RFTN1: variants seen among roughly 807,000 people sequenced by gnomAD.
The protein encoded by RFTN1 is raftlin, lipid raft linker 1.
Under a neutral mutation model 46.5 loss-of-function variants are expected in RFTN1, and 26 were observed. The ratio of observed to expected loss-of-function variants is 0.56; its 90% CI spans 0.41 to 0.78. The LOEUF is 0.78. Among genes scored for constraint, RFTN1 ranks in the 30% least tolerant of loss-of-function variants. The pLI is 0.00. For missense variants in RFTN1, 693 were observed against 718.7 expected (o/e 0.96, Z 0.41); for synonymous variants, 261 against 284.2 (o/e 0.92, Z 0.82).
intron 2 of RFTN1, among the ~76,000 whole-genome samples, chr3:16,435,424 G>A (rs1341421230): frequency 6.6e-6 from 1 of 152,060 alleles, no homozygotes; most frequent in Non-Finnish European, 1.5e-5. Flanking sequence ...TAAAAAATTA[G>A]TCCGGTGTGG....
In RFTN1 at chr3:16,506,095, C is replaced by T. The variant is rs1196412052; in HGVS notation, c.-9+7347G>A. On this transcript the variant is annotated intron_variant, in intron 1 of 9. Transcript: ENST00000334133. This position sits in a 1 kb window ranked among gnomAD's most constrained non-coding sequence, Gnocchi z 4.8. ...GTATGCCAACTAGAAAACAACAATG[C>T]AGGGGGGAGGGATAGCAATCACAGG... Among the ~76,000 whole-genome samples the T allele has an allele frequency of 1.3e-5, 2 of 151,966 alleles. No individual in the cohort carries two copies. The highest frequency in any genetic ancestry group is 2.9e-5 in the Non-Finnish European group (2 of 68,000).
rs970631562 is a variant in RFTN1 at position 16,381,890 on chromosome 3, G to A, written c.442-3788C>T. On this transcript the variant is annotated intron_variant, in intron 4 of 9. Coordinates refer to ENST00000334133, the MANE Select transcript of RFTN1 (RefSeq NM_015150.2). The surrounding 1 kb of genome is among the most constrained non-coding windows in gnomAD (Gnocchi z 4.2). ...GTTCACCCTGCAGGCCAGCATATCC[G>A]ACTCTCCCACCACAGTCATAACCTC... 2.0e-5 allele frequency among the ~76,000 whole-genome samples: 3 copies of A among 152,136 alleles called. No individual in the cohort carries two copies. Among genetic ancestry groups the A allele is most frequent in the Non-Finnish European group, 4.4e-5 (3 of 68,026 alleles).
At chr3:16,378,685 C>G (rs1259761399) in intron 4 of RFTN1, among the ~76,000 whole-genome samples, 2 of 152,210 alleles carry the variant, frequency 1.3e-5, no homozygotes, top group African/African-American at 2.4e-5. Context: ...GAGGTATCAT[C>G]TGATGGACAC....
intron 7 of RFTN1, among the ~76,000 whole-genome samples, chr3:16,333,670 C>A (rs1559825622): frequency 2.0e-5 from 3 of 151,844 alleles, no homozygotes; most frequent in African/African-American, 7.3e-5. Context: ...CATAAAAACT[C>A]ATATGATATA....
At position 16,464,870 on chromosome 3, in the gene RFTN1, T is replaced by C. The variant is rs376565403; in HGVS notation, c.145+28855A>G. On this transcript the variant is annotated intron_variant, in intron 2 of 9. Coordinates refer to ENST00000334133, the MANE Select transcript of RFTN1 (RefSeq NM_015150.2). ...AGAAAGTTTGCCAGCCCCTGCTTCA[T>C]TTGAAGGAAACTGAAGCTCAGACAC... is the stretch of plus-strand genomic sequence containing the variant. Among the ~76,000 whole-genome samples, 284 of 152,358 alleles carry C rather than the reference T, an allele frequency of 1.9e-3. 2 individuals carry two copies. In the Middle Eastern group the frequency reaches 0.027, roughly 15 times the overall value.
chr3:16,323,517 C>T (rs2069324305), intron 8 of RFTN1, 60 bp from the exon 9 acceptor site: 3 of 1,222,726 alleles, frequency 2.5e-6, no homozygotes, highest in South Asian at 1.2e-5. Flanking sequence ...CAAAACCTGA[C>T]ACAGATGTTG....
rs773816013 is a variant in RFTN1 at position 16,317,151 on chromosome 3, G to A, written c.1414C>T (p.Gln472Ter). The stretch of plus-strand genomic sequence containing the variant: ...TTCTTCTCATTTTCTTCTGCTTGTT[G>A]TTTGTCTCTGGCACTGAGTTTACCT... ...SKGKLSARDK[Q>*]QAEENEKNLE... Residue 472 changes from glutamine (Q) to a stop codon, truncating the protein, a stop_gained, in exon 10 of 10, where the codon CAA becomes TAA. Transcript: ENST00000334133. LOFTEE classifies it low-confidence loss of function (END_TRUNC). This position sits in a 1 kb window ranked among gnomAD's most constrained non-coding sequence, Gnocchi z 4.3. 3 of 1,613,436 alleles carry A rather than the reference G, an allele frequency of 1.9e-6. No individual in the cohort carries two copies. The highest frequency in any genetic ancestry group is 1.3e-5 in the African/African-American group (1 of 74,774).
chr3:16,513,346 TC>T lies in RFTN1; in HGVS notation c.-9+95del. 6.6e-6 allele frequency: 1 copy of T among 152,648 alleles called. No individual in the cohort carries two copies. The highest frequency in any genetic ancestry group is 1.9e-4 in the East Asian group (1 of 5,182). The allele number at this position is 152,648 out of a possible 1,614,324, so 9.5% of individuals were successfully genotyped here. Reference sequence around the variant, plus strand: ...CCTGCAGGGAGGCGCCACGCGCGGTTCCCACTACCCGCCAGAGACCCGGTCC... The same window carrying T: ...CCTGCAGGGAGGCGCCACGCGCGGTTCCACTACCCGCCAGAGACCCGGTCC... On this transcript the variant is annotated intron_variant, in intron 1 of 9. Transcript: ENST00000334133. The surrounding 1 kb of genome is among the most constrained non-coding windows in gnomAD (Gnocchi z 5.4).
intron 2 of RFTN1, among the ~76,000 whole-genome samples, chr3:16,463,459 T>C (rs1050498262): frequency 4.6e-5 from 7 of 152,232 alleles, no homozygotes; most frequent in East Asian, 3.8e-4. Flanking sequence ...GATCTCTCTG[T>C]TAAAACCCTA....
intron 2 of RFTN1, among the ~76,000 whole-genome samples, chr3:16,491,448 G>A (rs961773358): frequency 2.0e-5 from 3 of 152,204 alleles, no homozygotes; most frequent in African/African-American, 7.2e-5. Context: ...GCAGGAGCAG[G>A]GAGGCCACGT....
At chr3:16,364,589 A>G (rs2073041438) in intron 6 of RFTN1, among the ~76,000 whole-genome samples, 2 of 152,126 alleles carry the variant, frequency 1.3e-5, no homozygotes, top group Admixed American at 6.5e-5. Flanking sequence ...TTGGGTCACA[A>G]TGAGATGGGC....
chr3:16,377,880 C>G lies in RFTN1; in HGVS notation c.664G>C (p.Glu222Gln). 1 of 1,614,222 alleles carries G rather than the reference C, an allele frequency of 6.2e-7. No individual in the cohort carries two copies. Among genetic ancestry groups the G allele is most frequent in the Non-Finnish European group, 8.5e-7 (1 of 1,180,028 alleles). The change falls in exon 5 of 10, where the codon GAG (glutamate) becomes CAG (glutamine). Residue 222 changes from glutamate (E) to glutamine (Q), a missense_variant. By Grantham distance (29) the Glu-to-Gln change is conservative. Coordinates refer to ENST00000334133, the MANE Select transcript of RFTN1 (RefSeq NM_015150.2). ...TCCCCTCTGGGGCCTGAGCTGGGCT[C>G]TGGGCTTTGGTTTCTCCCAGCCGGA... Reference protein sequence around the residue: ...SAPAGRNQSPEPSSGPRGEVP... With the variant: ...SAPAGRNQSPQPSSGPRGEVP...
At chr3:16,477,953 A>G (rs1016881837) in intron 2 of RFTN1, among the ~76,000 whole-genome samples, 2 of 152,244 alleles carry the variant, frequency 1.3e-5, no homozygotes, top group African/African-American at 2.4e-5. Context: ...CATGCTAAGC[A>G]TGTGTCTCCA....
chr3:16,458,339 C>T lies in RFTN1; in HGVS notation c.146-24302G>A, dbSNP rs2075949788. On this transcript the variant is annotated intron_variant, in intron 2 of 9. Transcript: ENST00000334133. This position sits in a 1 kb window ranked among gnomAD's most constrained non-coding sequence, Gnocchi z 5.1. The stretch of plus-strand genomic sequence containing the variant: ...GCTGTATTATTCAGGTCCAGGTATG[C>T]TCGGGGTGCTGGAGTTTCAGGTAGT... Among the ~76,000 whole-genome samples, 1 of 152,148 alleles carries T rather than the reference C, an allele frequency of 6.6e-6. No homozygotes were observed. Among genetic ancestry groups the T allele is most frequent in the Non-Finnish European group, 1.5e-5 (1 of 68,028 alleles).
intron 2 of RFTN1, among the ~76,000 whole-genome samples, chr3:16,441,663 T>C (rs1419373891): frequency 6.6e-6 from 1 of 152,234 alleles, no homozygotes; most frequent in Non-Finnish European, 1.5e-5. Context: ...CAGAAATCAT[T>C]TGTGACTTTA....
At position 16,352,491 on chromosome 3, in the gene RFTN1, G is replaced by A. The variant is rs182658730; in HGVS notation, c.1146+5441C>T. Reference sequence around the variant, plus strand: ...AGTAAACAAAATACCTGTTATAAATGCCCTATGGATAGACATTTATCTTAC... The same window carrying A: ...AGTAAACAAAATACCTGTTATAAATACCCTATGGATAGACATTTATCTTAC... On this transcript the variant is annotated intron_variant, in intron 7 of 9. Transcript: ENST00000334133. The surrounding 1 kb of genome is among the most constrained non-coding windows in gnomAD (Gnocchi z 4.6). 1.3e-5 allele frequency among the ~76,000 whole-genome samples: 2 copies of A among 152,264 alleles called. No homozygotes were observed. The highest frequency in any genetic ancestry group is 4.8e-5 in the African/African-American group (2 of 41,540).
chr3:16,502,216 A>T (rs116551452), intron 1 of RFTN1, among the ~76,000 whole-genome samples: 2,362 of 152,146 alleles, frequency 0.016, 61 homozygotes, highest in African/African-American at 0.054. Flanking sequence ...AAAAATTTAA[A>T]AAAGAAATTA....
rs76762099 is a variant in RFTN1, at chr3:16,479,502, C to T, written c.145+14223G>A. Among the ~76,000 whole-genome samples the T allele has an allele frequency of 1.8e-4, 27 of 152,346 alleles. No individual in the cohort carries two copies. In the East Asian group the frequency reaches 5.0e-3, roughly 28 times the overall value. On this transcript the variant is annotated intron_variant, in intron 2 of 9. Coordinates refer to ENST00000334133, the MANE Select transcript of RFTN1 (RefSeq NM_015150.2). This position sits in a 1 kb window ranked among gnomAD's most constrained non-coding sequence, Gnocchi z 5.1. ...AGAAAAACCTCAACATCCTTCTCCC[C>T]ATTCCTTGCACACCTTTACAGCATT...
chr3:16,331,531 T>C (rs1156619067), intron 7 of RFTN1, among the ~76,000 whole-genome samples: 1 of 152,250 alleles, frequency 6.6e-6, no homozygotes, highest in African/African-American at 2.4e-5. Flanking sequence ...AGTTAATTAT[T>C]ACCTCCATTT....
Sources: allele counts gnomAD v4.1 joint callset (sites outside exome capture counted in the v4.1 genomes callset), GRCh38; gene constraint gnomAD v4.1.1; non-coding constraint Gnocchi (gnomAD v3.1); transcripts MANE v1.5; gene names NCBI Gene and HGNC (gene_info 2026-07-23, HGNC 2026-07-21).